MTHFD2L: variants seen among roughly 807,000 people sequenced by gnomAD.
MTHFD2L encodes the protein methylenetetrahydrofolate dehydrogenase (NADP+ dependent) 2 like, also known as bifunctional methylenetetrahydrofolate dehydrogenase/cyclohydrolase 2, mitochondrial.
A neutral mutation model predicts 34.9 loss-of-function variants in MTHFD2L; 29 were observed. The ratio of observed to expected loss-of-function variants is 0.83; its 90% CI spans 0.62 to 1.13. MTHFD2L has a LOEUF of 1.13. Ranked by LOEUF, MTHFD2L falls within the 50% of genes most tolerant of loss-of-function variation. The probability of loss-of-function intolerance (pLI) is 0.00; values close to 1 mark genes in which losing one functional copy is unlikely to be tolerated. For missense variants in MTHFD2L, 481 were observed against 446.5 expected, an observed-to-expected ratio of 1.08 and a Z score of -0.70; for synonymous variants, 167 against 155.7, an observed-to-expected ratio of 1.07 and a Z score of -0.54.
At chr4:74,289,140 G>A (rs1748564851) in intron 7 of MTHFD2L, among the ~76,000 whole-genome samples, 1 of 152,166 alleles carries the variant, frequency 6.6e-6, no homozygotes, top group Non-Finnish European at 1.5e-5. Flanking sequence ...TTGGTTATAG[G>A]AGACAGATAA....
At chr4:74,285,011 T>A (rs1747980790) in intron 7 of MTHFD2L, among the ~76,000 whole-genome samples, 1 of 152,014 alleles carries the variant, frequency 6.6e-6, no homozygotes, top group Non-Finnish European at 1.5e-5. Context: ...TATGCAGCCA[T>A]AAAAAAGGAT....
At chr4:74,238,499 A>T (rs1741179030) in intron 6 of MTHFD2L, among the ~76,000 whole-genome samples, 1 of 152,208 alleles carries the variant, frequency 6.6e-6, no homozygotes, top group Non-Finnish European at 1.5e-5. Context: ...GACAAATGGG[A>T]TCTAATTAAA....
intron 5 of MTHFD2L, among the ~76,000 whole-genome samples, chr4:74,202,901 G>A (rs571339442): frequency 1.3e-5 from 2 of 152,038 alleles, no homozygotes; most frequent in South Asian, 2.1e-4. Flanking sequence ...CACACACACA[G>A]CATATATATA....
At chr4:74,174,338 TATAAA>T (rs1344478638) in intron 1 of MTHFD2L, among the ~76,000 whole-genome samples, 163 bp from the exon 2 acceptor site, 1 of 152,138 alleles carries the variant, frequency 6.6e-6, no homozygotes, top group African/African-American at 2.4e-5. Flanking sequence ...TTCACAAAAT[TATAAA>T]ATATTTATGA....
At chr4:74,138,910 C>A (rs559872314) in intron 1 of MTHFD2L, among the ~76,000 whole-genome samples, 1 of 152,152 alleles carries the variant, frequency 6.6e-6, no homozygotes, top group Admixed American at 6.5e-5. Context: ...TTCTTTACCT[C>A]CTACTTTAGC....
chr4:74,239,337 G>T (rs1467751200), intron 6 of MTHFD2L, among the ~76,000 whole-genome samples: 1 of 152,112 alleles, frequency 6.6e-6, no homozygotes, highest in Non-Finnish European at 1.5e-5. Context: ...GCCTGTCGTA[G>T]TTTGGGGGGG....
At chr4:74,267,828 C>T (rs1415144058) in intron 6 of MTHFD2L, 1 of 985,204 alleles carries the variant, frequency 1.0e-6, no homozygotes, top group African/African-American at 1.7e-5. Flanking sequence ...GGTGATGGAA[C>T]TACTTGAATG....
chr4:74,115,983 C>A (rs891137401), intron 2 of MTHFD2L, among the ~76,000 whole-genome samples: 1 of 152,034 alleles, frequency 6.6e-6, no homozygotes, highest in African/African-American at 2.4e-5. Context: ...TAATCAAAGA[C>A]CCTGTATTGT....
intron 6 of MTHFD2L, among the ~76,000 whole-genome samples, chr4:74,255,136 C>CAAAAAAAAAAAAA (rs34300013): frequency 4.3e-5 from 3 of 69,182 alleles, no homozygotes; most frequent in Non-Finnish European, 7.3e-5. Context: ...ACTCCATCTC[C>CAAAAAAAAAAAAA]AAAAAAAAAA....
At chr4:74,202,310 A>G (rs1019868484) in intron 5 of MTHFD2L, among the ~76,000 whole-genome samples, 1 of 152,226 alleles carries the variant, frequency 6.6e-6, no homozygotes, top group Admixed American at 6.5e-5. Flanking sequence ...CTAGTTAGGT[A>G]AACTCTCCAC....
chr4:74,261,256 A>G (rs1281230221), intron 6 of MTHFD2L, among the ~76,000 whole-genome samples: 1 of 152,048 alleles, frequency 6.6e-6, no homozygotes, highest in Non-Finnish European at 1.5e-5. Flanking sequence ...CTGATAAAAT[A>G]TTAGAACTAA....
chr4:74,276,460 A>G lies in MTHFD2L; in HGVS notation c.806-4965A>G, dbSNP rs149418133. On this transcript the variant is annotated intron_variant, in intron 6 of 7. Transcript: ENST00000325278. ...TAAGGATTGGTTCTATGGAATTATG[A>G]TAGCAACAACAGAAAAAGTAAAGCT... Among the ~76,000 whole-genome samples, 24 of 152,158 alleles carry G rather than the reference A, an allele frequency of 1.6e-4. 1 individual carries two copies. The highest frequency in any genetic ancestry group is 2.6e-4 in the Non-Finnish European group (18 of 68,004).
upstream of MTHFD2L, among the ~76,000 whole-genome samples, chr4:74,119,400 C>T (rs1168156499): frequency 6.6e-6 from 1 of 152,198 alleles, no homozygotes; most frequent in Non-Finnish European, 1.5e-5. Flanking sequence ...AAACAATCAT[C>T]ACTGGAGAGT....
chr4:74,254,679 A>T (rs943826500), intron 6 of MTHFD2L, among the ~76,000 whole-genome samples: 1 of 152,256 alleles, frequency 6.6e-6, no homozygotes, highest in African/African-American at 2.4e-5. Context: ...ATGAAAGTAT[A>T]CTAAGAACAT....
chr4:74,274,753 G>A (rs767305050), intron 6 of MTHFD2L, among the ~76,000 whole-genome samples: 9 of 152,140 alleles, frequency 5.9e-5, no homozygotes, highest in Non-Finnish European at 1.0e-4. Flanking sequence ...CCCAATCCAT[G>A]TTCAGTGAGG....
chr4:74,208,388 A>G (rs1213980306), intron 5 of MTHFD2L, among the ~76,000 whole-genome samples: 1 of 152,150 alleles, frequency 6.6e-6, no homozygotes, highest in Non-Finnish European at 1.5e-5. Flanking sequence ...GCACTTGGAA[A>G]TTATACATTA....
At chr4:74,196,656 A>T (rs1733527204) in intron 3 of MTHFD2L, among the ~76,000 whole-genome samples, 1 of 152,126 alleles carries the variant, frequency 6.6e-6, no homozygotes, top group African/African-American at 2.4e-5. Context: ...TCGCAAAAAT[A>T]TGTATTCAGT....
At chr4:74,160,192 G>C in intron 1 of MTHFD2L, 1 of 886,674 alleles carries the variant, frequency 1.1e-6, no homozygotes, top group Non-Finnish European at 1.6e-6. Context: ...TGTGGTTTAA[G>C]TCTGACATCT....
At chr4:74,115,511 C>T (rs1299658082) in intron 2 of MTHFD2L, among the ~76,000 whole-genome samples, 1 of 152,230 alleles carries the variant, frequency 6.6e-6, no homozygotes, top group Non-Finnish European at 1.5e-5. Flanking sequence ...CACACTAGCT[C>T]AGAAGAGGAC....
Sources: allele counts gnomAD v4.1 joint callset (sites outside exome capture counted in the v4.1 genomes callset), GRCh38; gene constraint gnomAD v4.1.1; transcripts MANE v1.5; gene names NCBI Gene and HGNC (gene_info 2026-07-23, HGNC 2026-07-21).